Variants in EN1 observed in about 807,000 individuals in gnomAD.
EN1 encodes engrailed homeobox 1.
EN1 carries 8 observed loss-of-function variants against 22.9 expected under a neutral mutation model. The ratio of observed to expected loss-of-function variants is 0.35; its 90% confidence interval spans 0.20 to 0.63. EN1 has a LOEUF of 0.63. Ranked by LOEUF, EN1 falls within the 20% of genes least tolerant of loss-of-function variation. EN1 has a pLI of 0.73. For missense variants in EN1, 521 were observed against 572.1 expected, an observed-to-expected ratio of 0.91 and a Z score of 0.91; for synonymous variants, 287 against 262.5, an observed-to-expected ratio of 1.09 and a Z score of -0.90.
chr2:118,846,823 G>A lies in EN1; in HGVS notation c.345C>T (p.Phe115=). 1 of 1,594,432 alleles carries A rather than the reference G, an allele frequency of 6.3e-7. No individual in the cohort carries two copies. The change falls in exon 1 of 2, where the codon TTC becomes TTT. Residue 115 remains phenylalanine, a synonymous_variant. Transcript: ENST00000295206. The surrounding 1 kb of genome is among the most constrained non-coding windows in gnomAD (Gnocchi z 5.0). Reference sequence around the variant, plus strand: ...GTGGCGGCTGCTCCTTTTTGCAGCCGAAGTCCGGCCTCAGGATGTTGTCGA... The same window carrying A: ...GTGGCGGCTGCTCCTTTTTGCAGCCAAAGTCCGGCCTCAGGATGTTGTCGA... ...FFIDNILRPD[F]GCKKEQPPPQ...
Position 118,842,945 on chromosome 2 carries a change from C to T in EN1, c.1172G>A (p.Ser391Asn), listed in dbSNP as rs946338563. Reference protein sequence around the residue: ...STTTVQDKDESE With the variant: ...STTTVQDKDENE The stretch of plus-strand genomic sequence containing the variant: ...GGCCCCGGCCTGTGGCGGCTACTCG[C>T]TCTCGTCTTTGTCCTGGACCGTGGT... The change falls in exon 2 of 2, where the codon AGC becomes AAC. Residue 391 changes from serine to asparagine, a missense_variant. Ser to Asn is a conservative substitution (Grantham distance 46). Transcript: ENST00000295206. 1 of 1,600,992 alleles carries T rather than the reference C, an allele frequency of 6.2e-7. No individual in the cohort carries two copies. The highest frequency in any genetic ancestry group is 8.5e-7 in the Non-Finnish European group (1 of 1,169,640).
At position 118,843,178 on chromosome 2, in the gene EN1, C is replaced by T. The variant is rs1179228976; in HGVS notation, c.939G>A (p.Glu313=). 6.2e-7 allele frequency: 1 copy of T among 1,605,336 alleles called. No individual in the cohort carries two copies. The stretch of plus-strand genomic sequence containing the variant: ...ACTCCGCCTTGAGTCTCTGCAGCTG[C>T]TCGGCCGTGAACGCGGTCCGCGGCC... The part of the protein sequence containing the change: ...DKRPRTAFTA[E]QLQRLKAEFQ... The change falls in exon 2 of 2, where the codon GAG becomes GAA. Residue 313 remains glutamate, a synonymous_variant. Transcript: ENST00000295206.
intron 1 of EN1, among the ~76,000 whole-genome samples, chr2:118,844,841 A>C (rs1194989871): frequency 6.6e-6 from 1 of 152,230 alleles, no homozygotes; most frequent in Non-Finnish European, 1.5e-5. Flanking sequence ...CCAGGCCCAT[A>C]AGAAGGAAAG....
rs1678281019 is a variant in EN1 at position 118,846,722 on chromosome 2, G to A, written c.446C>T (p.Thr149Ile). The change falls in exon 1 of 2, where the codon ACT (threonine) becomes ATT (isoleucine). Residue 149 changes from threonine (T) to isoleucine (I), a missense_variant. By Grantham distance (89) the Thr-to-Ile change is moderately conservative (BLOSUM62 -1). This residue lies in a region of EN1 where 436 missense variants were observed against 410.1 expected (regional missense o/e 1.06). Coordinates refer to ENST00000295206, the MANE Select transcript of EN1 (RefSeq NM_001426.4). The surrounding 1 kb of genome is among the most constrained non-coding windows in gnomAD (Gnocchi z 5.0). ...GTGGACAGGGTCTCTACCTGCGGCA[G>A]TCTGGCCTCTGTCACGCTCGACCCG... The part of the protein sequence containing the change: ...GGRVERDRGQ[T>I]AAGRDPVHPL... 6.3e-7 allele frequency: 1 copy of A among 1,593,086 alleles called. No homozygotes were observed. Among genetic ancestry groups the A allele is most frequent in the Non-Finnish European group, 8.5e-7 (1 of 1,177,148 alleles).
Position 118,846,113 on chromosome 2 carries a change from G to A in EN1, c.862+193C>T, listed in dbSNP as rs1678263803. The stretch of plus-strand genomic sequence containing the variant: ...CCTGTGCCACGAGCTGTAGCTTCTC[G>A]GGTGGTGGCCGCAGAGGCCAGGATC... On this transcript the variant is annotated intron_variant, in intron 1 of 1. Coordinates refer to ENST00000295206, the MANE Select transcript of EN1 (RefSeq NM_001426.4). The surrounding 1 kb of genome is among the most constrained non-coding windows in gnomAD (Gnocchi z 5.0). Among the ~76,000 whole-genome samples, 1 of 152,150 alleles carries A rather than the reference G, an allele frequency of 6.6e-6. No individual in the cohort carries two copies. The highest frequency in any genetic ancestry group is 2.4e-5 in the African/African-American group (1 of 41,442).
chr2:118,846,653 G>A lies in EN1; in HGVS notation c.515C>T (p.Ala172Val), dbSNP rs770790810. ...GGGTGGGCCACAGTTCGCGTCCGGG[G>A]CGCACAGGAGCGAGGCAGCGCCTGG... ...RAPGAASLLC[A>V]PDANCGPPDG... The change falls in exon 1 of 2, where the codon GCC becomes GTC. Residue 172 changes from alanine (A) to valine (V), a missense_variant. By Grantham distance (64) the Ala-to-Val change is moderately conservative. Coordinates refer to ENST00000295206, the MANE Select transcript of EN1 (RefSeq NM_001426.4). This position sits in a 1 kb window ranked among gnomAD's most constrained non-coding sequence, Gnocchi z 5.0. 1.7e-5 allele frequency: 26 copies of A among 1,551,672 alleles called. No individual in the cohort carries two copies. Among genetic ancestry groups the A allele is most frequent in the South Asian group, 9.3e-5 (8 of 86,004 alleles).
At position 118,843,079 on chromosome 2, in the gene EN1, C is replaced by T. The variant is rs1412212999; in HGVS notation, c.1038G>A (p.Gln346=). 11 of 1,614,188 alleles carry T rather than the reference C, an allele frequency of 6.8e-6. No homozygotes were observed. The highest frequency in any genetic ancestry group is 9.3e-6 in the Non-Finnish European group (11 of 1,180,024). ...LAQELSLNES[Q]IKIWFQNKRA... is the part of the protein sequence containing the mutation. ...GCTTGTTCTGGAACCAGATCTTGATCTGGGACTCGTTGAGGCTGAGTTCCT... is the reference window on the plus strand; with the variant it reads ...GCTTGTTCTGGAACCAGATCTTGATTTGGGACTCGTTGAGGCTGAGTTCCT... Residue 346 remains glutamine (Q), a synonymous_variant, in exon 2 of 2, where the codon CAG becomes CAA. Transcript: ENST00000295206.
In EN1 at chr2:118,846,277, C is replaced by T. The variant is rs372836352; in HGVS notation, c.862+29G>A. ...TGGGGCGGTCCGCGGGGCCAGAAGGCATGGCGCAGCCCGGAGTTGGGTACT... is the reference window on the plus strand; with the variant it reads ...TGGGGCGGTCCGCGGGGCCAGAAGGTATGGCGCAGCCCGGAGTTGGGTACT... On this transcript the variant is annotated intron_variant, in intron 1 of 1. Transcript: ENST00000295206. This position sits in a 1 kb window ranked among gnomAD's most constrained non-coding sequence, Gnocchi z 5.0. 1.3e-6 allele frequency: 2 copies of T among 1,599,148 alleles called. No homozygotes were observed. Among genetic ancestry groups the T allele is most frequent in the African/African-American group, 2.7e-5 (2 of 74,388 alleles).
In EN1 at chr2:118,847,181, G is replaced by A; in HGVS notation, c.-14C>T. On this transcript the variant is annotated 5_prime_UTR_variant, in exon 1 of 2. Transcript: ENST00000295206. ...CTGTTCTTCCATGCTCGGCCGCCCCGCCGCCCCGGCCGCCGCGCCGGCCCC... is the reference window on the plus strand; with the variant it reads ...CTGTTCTTCCATGCTCGGCCGCCCCACCGCCCCGGCCGCCGCGCCGGCCCC... 4 of 784,480 alleles carry A rather than the reference G, an allele frequency of 5.1e-6. No individual in the cohort carries two copies. Among genetic ancestry groups the A allele is most frequent in the South Asian group, 5.4e-5 (2 of 37,236 alleles). The allele number at this position is 784,480 out of a possible 1,614,324, so 48.6% of individuals were successfully genotyped here.
intron 1 of EN1, among the ~76,000 whole-genome samples, chr2:118,843,696 G>A (rs941891987): frequency 1.3e-5 from 2 of 152,086 alleles, no homozygotes; most frequent in Non-Finnish European, 2.9e-5. Flanking sequence ...GGAATAGATA[G>A]GACTGGGGCA....
intron 1 of EN1, among the ~76,000 whole-genome samples, chr2:118,845,745 G>C (rs948293491): frequency 6.6e-5 from 10 of 152,334 alleles, no homozygotes; most frequent in African/African-American, 2.4e-4. Flanking sequence ...CCGGGGGAGA[G>C]GGACGGCTTT....
Position 118,842,956 on chromosome 2 carries a change from G to C in EN1, c.1161C>G (p.Asp387Glu), listed in dbSNP as rs1431534120. Residue 387 changes from aspartate (D) to glutamate (E), a missense_variant, in exon 2 of 2, where the codon GAC becomes GAG. Physicochemically the swap from Asp to Glu is conservative, Grantham distance 45. This residue lies in a region of EN1 where 35 missense variants were observed against 40.2 expected (regional missense o/e 0.87). Transcript: ENST00000295206. ...GTGGCGGCTACTCGCTCTCGTCTTT[G>C]TCCTGGACCGTGGTGGTGGAGTGGT... is the stretch of plus-strand genomic sequence containing the variant. ...LYNHSTTTVQ[D>E]KDESE 2.5e-6 allele frequency: 4 copies of C among 1,613,216 alleles called. No homozygotes were observed. The African/African-American group carries it at 5.3e-5, about 22-fold the overall frequency.
chr2:118,846,499 G>A lies in EN1; in HGVS notation c.669C>T (p.Thr223=), dbSNP rs1391731472. ...AAAAAAKPSD[T]GGGGSGGGAG... is the part of the protein sequence containing the mutation. Reference sequence around the variant, plus strand: ...CGCCGCCTCCACTGCCGCCGCCACCGGTGTCCGAGGGCTTGGCTGCTGCGG... The same window carrying A: ...CGCCGCCTCCACTGCCGCCGCCACCAGTGTCCGAGGGCTTGGCTGCTGCGG... Residue 223 remains threonine (T), a synonymous_variant, in exon 1 of 2, where the codon ACC becomes ACT. Transcript: ENST00000295206. The surrounding 1 kb of genome is among the most constrained non-coding windows in gnomAD (Gnocchi z 5.0). 1.3e-6 allele frequency: 2 copies of A among 1,549,566 alleles called. No individual in the cohort carries two copies. Among genetic ancestry groups the A allele is most frequent in the Non-Finnish European group, 8.7e-7 (1 of 1,150,556 alleles).
intron 1 of EN1, among the ~76,000 whole-genome samples, chr2:118,845,438 T>C (rs1024594772): frequency 6.6e-6 from 1 of 151,852 alleles, no homozygotes; most frequent in Non-Finnish European, 1.5e-5. Context: ...CACGGAAAAG[T>C]GGTGGAAGGA....
At position 118,843,220 on chromosome 2, in the gene EN1, GTTC is replaced by G. The variant is rs751701618; in HGVS notation, c.894_896del (p.Lys298del). 174 of 1,469,350 alleles carry G rather than the reference GTTC, an allele frequency of 1.2e-4. 1 individual carries two copies. Among genetic ancestry groups the G allele is most frequent in the Admixed American group, 2.1e-4 (10 of 48,178 alleles). 91.0% of individuals were successfully genotyped at this position (1,469,350 alleles called of 1,614,324 possible). A position where few individuals can be genotyped will look rare whatever the true frequency, so the allele number is the denominator to read the frequency against. On this transcript the variant is annotated inframe_deletion, in exon 2 of 2. Coordinates refer to ENST00000295206, the MANE Select transcript of EN1 (RefSeq NM_001426.4). ...TCCGCGGCCGCTTGTCCTCCTTCTC[GTTC>G]TTCTTCTTCTTCAGCTTCCTGGTGC...
Position 118,847,121 on chromosome 2 carries a change from A to G in EN1, c.47T>C (p.Leu16Pro). Residue 16 changes from leucine (L) to proline (P), a missense_variant, in exon 1 of 2, where the codon CTC (leucine) becomes CCC (proline). By Grantham distance (98) the Leu-to-Pro change is moderately conservative. Transcript: ENST00000295206. ...CGGAGTCGCCGCCGCCGCCGCGCCG[A>G]GGGCCGAGTCGCGCTGACTTTTAGG... ...PEPKSQRDSALGAAAAATPGG... is the reference protein window; with the variant it reads ...PEPKSQRDSAPGAAAAATPGG... 7.4e-7 allele frequency: 1 copy of G among 1,348,048 alleles called. No homozygotes were observed. Among genetic ancestry groups the G allele is most frequent in the Non-Finnish European group, 9.8e-7 (1 of 1,021,334 alleles). The allele number at this position is 1,348,048 out of a possible 1,614,324, so 83.5% of individuals were successfully genotyped here. A position where few individuals can be genotyped will look rare whatever the true frequency, so the allele number is the denominator to read the frequency against.
At position 118,846,196 on chromosome 2, in the gene EN1, G is replaced by T; in HGVS notation, c.862+110C>A. On this transcript the variant is annotated intron_variant, in intron 1 of 1. Transcript: ENST00000295206. The surrounding 1 kb of genome is among the most constrained non-coding windows in gnomAD (Gnocchi z 5.0). ...AACTGGGGTGAGGAAGCAGGCGTGAGAGACTGGAGTACCCGAGGCCGGGTT... is the reference window on the plus strand; with the variant it reads ...AACTGGGGTGAGGAAGCAGGCGTGATAGACTGGAGTACCCGAGGCCGGGTT... 1 of 1,476,990 alleles carries T rather than the reference G, an allele frequency of 6.8e-7. No individual in the cohort carries two copies. The allele number at this position is 1,476,990 out of a possible 1,614,324, so 91.5% of individuals were successfully genotyped here.
Position 118,842,687 on chromosome 2 carries a change from T to C in EN1, c.*251A>G, listed in dbSNP as rs1400810158. On this transcript the variant is annotated 3_prime_UTR_variant, in exon 2 of 2. Transcript: ENST00000295206. ...AGATAGAGCTTTAAGGAGTTCGCAG[T>C]TTCGTCCCTTATACTGGGAATAGAG... The C allele has an allele frequency of 1.7e-6, 1 of 593,618 alleles. No individual in the cohort carries two copies. The allele number at this position is 593,618 out of a possible 1,614,324, so 36.8% of individuals were successfully genotyped here.
At chr2:118,844,831 C>A (rs1678244305) in intron 1 of EN1, among the ~76,000 whole-genome samples, 1 of 152,226 alleles carries the variant, frequency 6.6e-6, no homozygotes, top group Non-Finnish European at 1.5e-5. Flanking sequence ...CCCTACCTAC[C>A]CAGGCCCATA....
Sources: allele counts gnomAD v4.1 joint callset (sites outside exome capture counted in the v4.1 genomes callset), GRCh38; gene constraint gnomAD v4.1.1; regional missense constraint gnomAD v4.1.1; non-coding constraint Gnocchi (gnomAD v3.1); transcripts MANE v1.5; gene names NCBI Gene and HGNC (gene_info 2026-07-23, HGNC 2026-07-21).